ROBO2: variants seen among roughly 807,000 people sequenced by gnomAD.
The protein encoded by ROBO2 is roundabout homolog 2.
Under a neutral mutation model 160.8 loss-of-function variants are expected in ROBO2, and 53 were observed. The ratio of observed to expected loss-of-function variants is 0.33; its 90% CI spans 0.26 to 0.41. The LOEUF (loss-of-function observed/expected upper bound fraction) is 0.41. Among genes scored for constraint, ROBO2 ranks in the 10% least tolerant of loss-of-function variants. The pLI, the probability that ROBO2 is intolerant of heterozygous loss-of-function variation, is 1.00. For missense variants in ROBO2, 1,577 were observed against 1,722.4 expected, an observed-to-expected ratio of 0.92 and a Z score of 1.49; for synonymous variants, 664 against 611.7, an observed-to-expected ratio of 1.09 and a Z score of -1.26.
intron 2 of ROBO2, among the ~76,000 whole-genome samples, chr3:76,981,304 A>G (rs1436159675): frequency 2.6e-5 from 4 of 152,312 alleles, no homozygotes; most frequent in Middle Eastern, 3.4e-3. Flanking sequence ...CATAGCTATC[A>G]GCAATCAGCA....
At chr3:76,727,231 CAGA>C (rs1050093395) in intron 2 of ROBO2, among the ~76,000 whole-genome samples, 10 of 152,050 alleles carry the variant, frequency 6.6e-5, no homozygotes, top group Admixed American at 6.6e-5. Context: ...TTATTGAAGT[CAGA>C]AGATCTGGGC....
intron 2 of ROBO2, among the ~76,000 whole-genome samples, chr3:76,710,352 C>A (rs939735051): frequency 1.2e-4 from 18 of 152,124 alleles, no homozygotes; most frequent in African/African-American, 4.3e-4. Flanking sequence ...ATCCCTTGAC[C>A]TTGTGATCCT....
rs137873332 is a variant in ROBO2, at chr3:77,624,965, A to G, written c.3760+2533A>G. On this transcript the variant is annotated intron_variant, in intron 23 of 25. Coordinates refer to ENST00000461745, the Ensembl canonical transcript of ROBO2. The stretch of plus-strand genomic sequence containing the variant: ...GGCTGGTAAGCCTGTATGTAAAATT[A>G]TGCAGGATTTTACTTGGATATATTG... Among the ~76,000 whole-genome samples, 1,486 of 152,286 alleles carry G rather than the reference A, an allele frequency of 9.8e-3. 25 individuals are homozygous for G. The highest frequency in any genetic ancestry group is 0.034 in the African/African-American group (1,407 of 41,564).
At chr3:77,594,988 G>A (rs1559687167) in intron 17 of ROBO2, among the ~76,000 whole-genome samples, 154 bp from the exon 19 acceptor site, 1 of 152,094 alleles carries the variant, frequency 6.6e-6, no homozygotes, top group Non-Finnish European at 1.5e-5. Flanking sequence ...CCAAACCACT[G>A]CTTGTTACTC....
chr3:76,082,462 C>T (rs1245821621), intron 2 of ROBO2, among the ~76,000 whole-genome samples: 1 of 151,974 alleles, frequency 6.6e-6, no homozygotes, highest in African/African-American at 2.4e-5. Flanking sequence ...AAACAACTGA[C>T]AGTTTCTTAA....
chr3:76,304,446 A>G (rs956284978), intron 2 of ROBO2, among the ~76,000 whole-genome samples: 11 of 152,242 alleles, frequency 7.2e-5, no homozygotes, highest in Non-Finnish European at 1.2e-4. Context: ...TATATGTAAT[A>G]GTGAATTGAT....
chr3:76,394,362 AT>A (rs1332958226), intron 2 of ROBO2, among the ~76,000 whole-genome samples: 8 of 151,978 alleles, frequency 5.3e-5, no homozygotes, highest in Admixed American at 2.0e-4. Flanking sequence ...TCTGTAAAGT[AT>A]TTTATTTCTC....
intron 2 of ROBO2, among the ~76,000 whole-genome samples, chr3:76,048,742 A>G (rs2067539951): frequency 6.6e-6 from 1 of 152,322 alleles, no homozygotes; most frequent in Admixed American, 6.5e-5. Flanking sequence ...CAGGGCACAC[A>G]AGAGCATCCA....
chr3:77,292,800 G>A (rs544717133), intron 2 of ROBO2, among the ~76,000 whole-genome samples: 2 of 145,810 alleles, frequency 1.4e-5, no homozygotes, highest in East Asian at 4.1e-4. Flanking sequence ...GTAAGCTGAG[G>A]CTAGATCACC....
chr3:76,524,708 C>T lies in ROBO2; in HGVS notation c.110-573306C>T, dbSNP rs2081834177. ...GTATTGGAAATTGTAGACTGCCAGG[C>T]AATTGTTTTCATTATTTATTAAATG... is the stretch of plus-strand genomic sequence containing the variant. On this transcript the variant is annotated intron_variant, in intron 2 of 26. Transcript: ENST00000487694. Among the ~76,000 whole-genome samples, 3 of 150,672 alleles carry T rather than the reference C, an allele frequency of 2.0e-5. No homozygotes were observed. In the South Asian group the frequency reaches 6.3e-4, roughly 32 times the overall value.
chr3:77,534,862 CTTACATG>C (rs1184012805), intron 6 of ROBO2, among the ~76,000 whole-genome samples: 2 of 152,120 alleles, frequency 1.3e-5, no homozygotes, highest in Non-Finnish European at 2.9e-5. Context: ...TAGCATAACA[CTTACATG>C]TGGTGGGGGC....
At chr3:76,450,414 T>C (rs1262978856) in intron 2 of ROBO2, among the ~76,000 whole-genome samples, 1 of 152,184 alleles carries the variant, frequency 6.6e-6, no homozygotes, top group Non-Finnish European at 1.5e-5. Flanking sequence ...TTTCTTAACA[T>C]GGTTTCTGAA....
intron 2 of ROBO2, among the ~76,000 whole-genome samples, chr3:76,783,402 C>A (rs145075310): frequency 1.6e-4 from 22 of 134,658 alleles, no homozygotes; most frequent in Non-Finnish European, 3.3e-4. Flanking sequence ...CATTTCATTT[C>A]TTGAAAAATG....
At chr3:76,400,433 C>T (rs2108750961) in intron 2 of ROBO2, among the ~76,000 whole-genome samples, 1 of 151,684 alleles carries the variant, frequency 6.6e-6, no homozygotes, top group East Asian at 1.9e-4. Context: ...GCATCATTAT[C>T]ACCTTAGCTA....
At chr3:76,294,199 AGG>A (rs939873784) in intron 2 of ROBO2, among the ~76,000 whole-genome samples, 6 of 152,200 alleles carry the variant, frequency 3.9e-5, no homozygotes, top group Admixed American at 6.5e-5. Context: ...TGCAGGGCAA[AGG>A]GGGTTTCCTG....
intron 2 of ROBO2, among the ~76,000 whole-genome samples, chr3:76,108,609 C>A (rs1210064877): frequency 2.0e-5 from 3 of 151,170 alleles, no homozygotes; most frequent in African/African-American, 7.3e-5. Flanking sequence ...TTAAAGTAGC[C>A]CAAATTTTCC....
At chr3:76,716,348 G>GA (rs1176334439) in intron 2 of ROBO2, among the ~76,000 whole-genome samples, 4 of 151,992 alleles carry the variant, frequency 2.6e-5, no homozygotes, top group African/African-American at 4.8e-5. Flanking sequence ...CCCAAAAGAA[G>GA]AAAAAATGTA....
chr3:77,070,755 G>GT (rs1323645014), intron 1 of ROBO2, among the ~76,000 whole-genome samples: 3 of 152,106 alleles, frequency 2.0e-5, no homozygotes, highest in African/African-American at 7.2e-5. Context: ...TTCTTGGCAG[G>GT]TTTTAAGCTG....
At chr3:77,127,707 A>T (rs1326473713) in intron 2 of ROBO2, among the ~76,000 whole-genome samples, 1 of 152,166 alleles carries the variant, frequency 6.6e-6, no homozygotes, top group African/African-American at 2.4e-5. Context: ...CCTAATCAGG[A>T]AAATTAAGGC....
Sources: allele counts gnomAD v4.1 joint callset (sites outside exome capture counted in the v4.1 genomes callset), GRCh38; gene constraint gnomAD v4.1.1; transcripts MANE v1.5; gene names NCBI Gene and HGNC (gene_info 2026-07-23, HGNC 2026-07-21).